The following STAU2 variants were observed in gnomAD, a reference collection of about 807,000 sequenced individuals.
The protein encoded by STAU2 is staufen double-stranded RNA binding protein 2.
In STAU2, 20 loss-of-function variants were observed where a neutral mutation model predicts 65.9. The ratio of observed to expected loss-of-function variants is 0.30; its 90% CI spans 0.21 to 0.44. The LOEUF is 0.44. STAU2 is among the 20% of genes least tolerant of loss of function. The pLI, the probability that STAU2 is intolerant of heterozygous loss-of-function variation, is 1.00. For missense variants in STAU2, 558 were observed against 683.9 expected (o/e 0.82, Z 2.05); for synonymous variants, 232 against 233.9 (o/e 0.99, Z 0.07).
chr8:73,616,321 C>T (rs1396402232), intron 7 of STAU2, among the ~76,000 whole-genome samples: 1 of 152,120 alleles, frequency 6.6e-6, no homozygotes, highest in African/African-American at 2.4e-5. Context: ...GTATTCCTTG[C>T]TGTCAAGAAC....
chr8:73,561,747 T>C (rs1024303732), intron 12 of STAU2, among the ~76,000 whole-genome samples: 1 of 152,106 alleles, frequency 6.6e-6, no homozygotes, highest in Non-Finnish European at 1.5e-5. Context: ...TACAATACAA[T>C]AACAATAATA....
chr8:73,453,651 T>C (rs1463580286), intron 13 of STAU2, among the ~76,000 whole-genome samples: 4 of 152,176 alleles, frequency 2.6e-5, no homozygotes, highest in African/African-American at 9.7e-5. Context: ...TGAAAATAGA[T>C]ACCTCTTTTT....
Position 73,552,038 on chromosome 8 carries a change from A to G in STAU2, c.1504T>C (p.Tyr502His), listed in dbSNP as rs1185913309. ...TGAAAGCCTTGAATCCTTGCTAAAT[A>G]TTCCAGTTGTTTTGAAGGTTGTACT... ...SPVQPSKQLE[Y>H]LARIQGFQAA... is the part of the protein sequence containing the mutation. Residue 502 changes from tyrosine to histidine, a missense_variant, in exon 13 of 15, where the codon TAT becomes CAT. Coordinates refer to ENST00000524300, the MANE Select transcript of STAU2 (RefSeq NM_001164380.2). 2 of 1,578,056 alleles carry G rather than the reference A, an allele frequency of 1.3e-6. No individual in the cohort carries two copies. The highest frequency in any genetic ancestry group is 1.7e-6 in the Non-Finnish European group (2 of 1,163,694).
At chr8:73,686,658 C>T (rs1818850959) in intron 5 of STAU2, among the ~76,000 whole-genome samples, 1 of 150,596 alleles carries the variant, frequency 6.6e-6, no homozygotes, top group South Asian at 2.1e-4. Flanking sequence ...GTGATGGGTG[C>T]AACAAAATCT....
chr8:73,481,637 T>C (rs373397960), intron 13 of STAU2, among the ~76,000 whole-genome samples: 2 of 152,052 alleles, frequency 1.3e-5, no homozygotes, highest in African/African-American at 4.8e-5. Flanking sequence ...TGTTGTATGT[T>C]AGTTATATAC....
At chr8:73,617,515 GATTT>G (rs1278768238) in intron 6 of STAU2, 64 bp from the exon 7 acceptor site, 11 of 1,479,094 alleles carry the variant, frequency 7.4e-6, no homozygotes, top group Non-Finnish European at 9.2e-6. Flanking sequence ...TCATTCATAA[GATTT>G]GTTTAAAATG....
chr8:73,534,867 T>A (rs1806079274), intron 13 of STAU2, among the ~76,000 whole-genome samples: 1 of 152,204 alleles, frequency 6.6e-6, no homozygotes, highest in African/African-American at 2.4e-5. Flanking sequence ...GCTTGTCACA[T>A]TAATGCCTCT....
intron 13 of STAU2, among the ~76,000 whole-genome samples, chr8:73,469,947 C>T (rs764328960): frequency 2.3e-4 from 35 of 152,098 alleles, no homozygotes; most frequent in Non-Finnish European, 5.0e-4. Context: ...GCAGCACAAG[C>T]AGTGGGAGGG....
chr8:73,649,869 TTATATATATATATATATA>T (rs55814743), intron 6 of STAU2, among the ~76,000 whole-genome samples: 35 of 71,628 alleles, frequency 4.9e-4, no homozygotes, highest in Admixed American at 3.7e-3. Context: ...CTATATAATT[TTATATATATATATATATA>T]TATATATATA....
chr8:73,655,797 T>C (rs28881302), intron 6 of STAU2, among the ~76,000 whole-genome samples: 49,030 of 151,192 alleles, frequency 0.32, 8,966 homozygotes, highest in East Asian at 0.54. Context: ...TACAGGTGCC[T>C]GCCACCACAC....
At chr8:73,583,665 A>T (rs939914552) in intron 11 of STAU2, among the ~76,000 whole-genome samples, 14 of 151,990 alleles carry the variant, frequency 9.2e-5, no homozygotes, top group Admixed American at 9.2e-4. Context: ...TATAAAAAAA[A>T]TAAAAAAATA....
At chr8:73,514,017 A>G (rs138279691) in intron 13 of STAU2, among the ~76,000 whole-genome samples, 1 of 152,336 alleles carries the variant, frequency 6.6e-6, no homozygotes, top group South Asian at 2.1e-4. Context: ...ATCAATTTTC[A>G]GAGTCCTAAA....
chr8:73,523,772 G>A (rs1294016400), intron 13 of STAU2, among the ~76,000 whole-genome samples: 1 of 152,184 alleles, frequency 6.6e-6, no homozygotes, highest in African/African-American at 2.4e-5. Flanking sequence ...CTGGAAAGTG[G>A]GAGGAATTGA....
chr8:73,426,621 G>A (rs555675629), intron 13 of STAU2, among the ~76,000 whole-genome samples: 4 of 152,070 alleles, frequency 2.6e-5, no homozygotes, highest in Non-Finnish European at 5.9e-5. Flanking sequence ...CATCCACATG[G>A]CCATAAATGA....
intron 13 of STAU2, among the ~76,000 whole-genome samples, chr8:73,523,636 T>C (rs1347689119): frequency 2.0e-5 from 3 of 152,098 alleles, no homozygotes; most frequent in Admixed American, 6.5e-5. Context: ...TCTATCCCTA[T>C]AGTTTTGATT....
At chr8:73,611,924 C>A (rs1812498993) in intron 9 of STAU2, among the ~76,000 whole-genome samples, 1 of 152,130 alleles carries the variant, frequency 6.6e-6, no homozygotes, top group Admixed American at 6.6e-5. Flanking sequence ...TCAAATGATC[C>A]ACCCGCCTCA....
intron 13 of STAU2, among the ~76,000 whole-genome samples, chr8:73,460,887 G>A (rs1819318943): frequency 6.6e-6 from 1 of 152,180 alleles, no homozygotes; most frequent in Admixed American, 6.5e-5. Context: ...TCATTCCAAT[G>A]GTTTAGCCAT....
intron 6 of STAU2, among the ~76,000 whole-genome samples, chr8:73,662,003 C>T (rs1369825373): frequency 1.3e-5 from 2 of 152,176 alleles, no homozygotes; most frequent in Non-Finnish European, 2.9e-5. Context: ...TTCATAAGAA[C>T]ATCATAAACT....
intron 3 of STAU2, among the ~76,000 whole-genome samples, chr8:73,729,173 T>C (rs1262186227): frequency 1.3e-5 from 2 of 152,226 alleles, no homozygotes; most frequent in Admixed American, 6.5e-5. Flanking sequence ...ACTGTATCAA[T>C]TGAAACAATC....
Sources: gnomAD v4.1 joint callset for allele counts (sites outside exome capture counted in the v4.1 genomes callset) on GRCh38, gnomAD v4.1.1 for gene constraint, MANE v1.5 for transcripts, NCBI Gene and HGNC (gene_info 2026-07-23, HGNC 2026-07-21) for gene names.